ANKRD17: variants seen among roughly 807,000 people sequenced by gnomAD.
The protein encoded by ANKRD17 is ankyrin repeat domain 17.
ANKRD17 carries 19 observed loss-of-function variants against 229.7 expected under a neutral mutation model. That is an observed-to-expected ratio of 0.08 (90% CI 0.06 to 0.12). ANKRD17 has a LOEUF of 0.12. Ranked by LOEUF, ANKRD17 falls within the 10% of genes least tolerant of loss-of-function variation. The pLI is 1.00. For synonymous variants in ANKRD17, 1,112 were observed against 1,146.1 expected (o/e 0.97, Z 0.60); for missense variants, 2,176 against 3,176.8 (o/e 0.68, Z 7.57).
intron 23 of ANKRD17, among the ~76,000 whole-genome samples, chr4:73,114,604 G>A (rs934196705): frequency 3.2e-4 from 49 of 151,982 alleles, no homozygotes; most frequent in African/African-American, 1.1e-3. Context: ...AGACTAATGC[G>A]TACCTGAGAC....
At position 73,147,311 on chromosome 4, in the gene ANKRD17, C is replaced by T. The variant is rs538072397; in HGVS notation, c.1689G>A (p.Gly563=). 1 of 1,609,184 alleles carries T rather than the reference C, an allele frequency of 6.2e-7. No individual in the cohort carries two copies. The highest frequency in any genetic ancestry group is 1.7e-5 in the Admixed American group (1 of 59,540). The change falls in exon 9 of 34, where the codon GGG becomes GGA. Residue 563 remains glycine, a synonymous_variant. Coordinates refer to ENST00000358602, the MANE Select transcript of ANKRD17 (RefSeq NM_032217.5). ...LIKAGADIEL[G]CSTPLMEAAQ... ...CAGCTTCCATTAAAGGGGTAGAACA[C>T]CCTAGTTCTATATCGGCTCCTGCCT... is the stretch of plus-strand genomic sequence containing the variant.
Position 73,177,550 on chromosome 4 carries a change from A to G in ANKRD17, c.394-17T>C, listed in dbSNP as rs1734894481. On this transcript the variant is annotated splice_polypyrimidine_tract_variant and intron_variant, in intron 1 of 33. Coordinates refer to ENST00000358602, the MANE Select transcript of ANKRD17 (RefSeq NM_032217.5). ...AGACTCCACCTATAAAACAAATGCAAAAAGAGGGAGGAAGGGAGAAATGAA... is the reference window on the plus strand; with the variant it reads ...AGACTCCACCTATAAAACAAATGCAGAAAGAGGGAGGAAGGGAGAAATGAA... 6.3e-7 allele frequency: 1 copy of G among 1,594,014 alleles called. No homozygotes were observed. Among genetic ancestry groups the G allele is most frequent in the African/African-American group, 1.3e-5 (1 of 74,504 alleles).
intron 1 of ANKRD17, among the ~76,000 whole-genome samples, chr4:73,199,933 A>AT (rs1313528334): frequency 3.9e-5 from 6 of 152,302 alleles, no homozygotes; most frequent in Admixed American, 6.5e-5. Flanking sequence ...ATTTTCTTAT[A>AT]TTTTTTATCC....
intron 25 of ANKRD17, among the ~76,000 whole-genome samples, chr4:73,100,302 C>T (rs1723812800): frequency 6.6e-6 from 1 of 152,060 alleles, no homozygotes; most frequent in Admixed American, 6.6e-5. Context: ...TGGGGCCCTG[C>T]CCCTAGGATG....
intron 2 of ANKRD17, chr4:73,169,022 C>T (rs1043365616): frequency 6.6e-6 from 1 of 152,150 alleles, no homozygotes; most frequent in Non-Finnish European, 1.5e-5. Context: ...TAAGTAATAA[C>T]GTGGCATTTG....
At chr4:73,123,823 T>C (rs1727077608) in intron 18 of ANKRD17, among the ~76,000 whole-genome samples, 2 of 151,846 alleles carry the variant, frequency 1.3e-5, no homozygotes, top group Admixed American at 1.3e-4. Flanking sequence ...GAAAAGCTAG[T>C]TTAAGATGCT....
intron 30 of ANKRD17, among the ~76,000 whole-genome samples, chr4:73,079,195 T>TA (rs768352820): frequency 2.6e-4 from 39 of 152,128 alleles, no homozygotes; most frequent in Non-Finnish European, 5.0e-4. Flanking sequence ...ACATTTAAAT[T>TA]AAAAAACAAA....
At chr4:73,106,270 T>A (rs962043852) in intron 24 of ANKRD17, among the ~76,000 whole-genome samples, 9 of 151,970 alleles carry the variant, frequency 5.9e-5, no homozygotes, top group Non-Finnish European at 1.3e-4. Flanking sequence ...TAAAAATAAC[T>A]TCACTGTGGA....
chr4:73,100,395 G>A (rs1214293699), intron 25 of ANKRD17, among the ~76,000 whole-genome samples: 6 of 151,630 alleles, frequency 4.0e-5, no homozygotes, highest in African/African-American at 1.5e-4. Context: ...TTGGGGAGGG[G>A]TAGCCATGAT....
chr4:73,242,517 T>C (rs1281768084), intron 1 of ANKRD17, among the ~76,000 whole-genome samples: 1 of 152,198 alleles, frequency 6.6e-6, no homozygotes, highest in African/African-American at 2.4e-5. Context: ...TTCAGTATTA[T>C]ACATATATTT....
chr4:73,087,955 G>A (rs964725768), intron 29 of ANKRD17, among the ~76,000 whole-genome samples: 12 of 150,654 alleles, frequency 8.0e-5, no homozygotes, highest in East Asian at 3.9e-4. Flanking sequence ...GCAAAAGAGA[G>A]GAAAAAAAAG....
intron 14 of ANKRD17, among the ~76,000 whole-genome samples, chr4:73,141,488 T>C (rs1178896549): frequency 1.3e-5 from 2 of 152,212 alleles, no homozygotes; most frequent in African/African-American, 2.4e-5. Flanking sequence ...AAAATTACTA[T>C]TAAAGGAAAT....
chr4:73,214,378 G>C (rs1401817083), intron 1 of ANKRD17, among the ~76,000 whole-genome samples: 1 of 152,128 alleles, frequency 6.6e-6, no homozygotes, highest in East Asian at 1.9e-4. Context: ...GCAATATACT[G>C]TAAAACAGCA....
At chr4:73,139,351 A>C (rs1364748659) in intron 15 of ANKRD17, among the ~76,000 whole-genome samples, 180 bp downstream of exon 15, 1 of 152,226 alleles carries the variant, frequency 6.6e-6, no homozygotes, top group Non-Finnish European at 1.5e-5. Context: ...GAATGAGCTA[A>C]TCTTTAATTT....
intron 1 of ANKRD17, among the ~76,000 whole-genome samples, chr4:73,238,192 T>C (rs182303927): frequency 0.013 from 1,995 of 152,202 alleles, 167 homozygotes; most frequent in Admixed American, 0.12. Context: ...AAAATCCTTA[T>C]AGGTCACAAA....
chr4:73,116,321 T>C (rs1341625101), intron 22 of ANKRD17, among the ~76,000 whole-genome samples: 1 of 152,182 alleles, frequency 6.6e-6, no homozygotes, highest in Non-Finnish European at 1.5e-5. Flanking sequence ...ATTTTGTTTT[T>C]TCATTCCTTC....
At chr4:73,160,498 G>A (rs1034374744) in intron 3 of ANKRD17, among the ~76,000 whole-genome samples, 3 of 152,028 alleles carry the variant, frequency 2.0e-5, no homozygotes, top group African/African-American at 4.8e-5. Context: ...GATTACAGGC[G>A]TGAGCTACCA....
intron 1 of ANKRD17, among the ~76,000 whole-genome samples, chr4:73,183,769 G>C (rs1169385663): frequency 6.6e-6 from 1 of 152,082 alleles, no homozygotes; most frequent in African/African-American, 2.4e-5. Flanking sequence ...CCGGTCTATA[G>C]AGTTTTTTTT....
Position 73,139,965 on chromosome 4 carries a change from A to C in ANKRD17, c.2651T>G (p.Leu884Arg), listed in dbSNP as rs1212292155. 1 of 1,614,100 alleles carries C rather than the reference A, an allele frequency of 6.2e-7. No individual in the cohort carries two copies. The highest frequency in any genetic ancestry group is 2.2e-5 in the East Asian group (1 of 44,882). ...TTTAACCTCTAGATACTGCTTTTTTAGCTGCTGCTGAGTTTTCAGTTGTAA... is the reference window on the plus strand; with the variant it reads ...TTTAACCTCTAGATACTGCTTTTTTCGCTGCTGCTGAGTTTTCAGTTGTAA... ...RELQLKTQQQLKKQYLEVKAQ... is the reference protein window; with the variant it reads ...RELQLKTQQQRKKQYLEVKAQ... Residue 884 changes from leucine (L) to arginine (R), a missense_variant, in exon 15 of 34, where the codon CTA (leucine) becomes CGA (arginine). By Grantham distance (102) the Leu-to-Arg change is moderately radical. Coordinates refer to ENST00000358602, the MANE Select transcript of ANKRD17 (RefSeq NM_032217.5).
Sources: gnomAD v4.1 joint callset for allele counts (sites outside exome capture counted in the v4.1 genomes callset) on GRCh38, gnomAD v4.1.1 for gene constraint, MANE v1.5 for transcripts, NCBI Gene and HGNC (gene_info 2026-07-23, HGNC 2026-07-21) for gene names.